Variants in TXNDC16 observed in about 807,000 individuals in gnomAD.
TXNDC16 encodes thioredoxin domain-containing protein 16.
TXNDC16 carries 74 observed loss-of-function variants against 85.6 expected under a neutral mutation model. The observed-to-expected ratio is 0.86, with a 90% CI of 0.72 to 1.05. TXNDC16 has a LOEUF of 1.05. Ranked by LOEUF, TXNDC16 falls within the 50% of genes least tolerant of loss-of-function variation. TXNDC16 has a pLI of 0.00. For missense variants in TXNDC16, 959 were observed against 947.0 expected (o/e 1.01, Z -0.17); for synonymous variants, 335 against 326.5 (o/e 1.03, Z -0.28).
In TXNDC16 at chr14:52,482,215, A is replaced by G; in HGVS notation, c.1312+15T>C. The G allele has an allele frequency of 3.7e-6, 6 of 1,604,966 alleles. No individual in the cohort carries two copies. Among genetic ancestry groups the G allele is most frequent in the Non-Finnish European group, 5.1e-6 (6 of 1,175,136 alleles). On this transcript the variant is annotated intron_variant, in intron 14 of 20. Coordinates refer to ENST00000281741, the MANE Select transcript of TXNDC16 (RefSeq NM_020784.3). ...TAGAATCAGAATAATAAGCATGCAT[A>G]GCACAGTACACTACCTTTCAGTTTA...
chr14:52,457,027 T>C (rs1363628529), intron 17 of TXNDC16, 63 bp downstream of exon 17: 4 of 1,151,884 alleles, frequency 3.5e-6, no homozygotes, highest in Non-Finnish European at 5.0e-6. Flanking sequence ...TATAAGCAAT[T>C]ATTAGATAAC....
At chr14:52,452,952 C>A (rs986061437) in intron 18 of TXNDC16, among the ~76,000 whole-genome samples, 2 of 151,930 alleles carry the variant, frequency 1.3e-5, no homozygotes, top group African/African-American at 2.4e-5. Flanking sequence ...GGATTAATAA[C>A]CAGAATATAT....
intron 16 of TXNDC16, among the ~76,000 whole-genome samples, chr14:52,460,551 T>G (rs1380308814): frequency 2.6e-5 from 4 of 152,200 alleles, no homozygotes; most frequent in African/African-American, 9.6e-5. Flanking sequence ...GGGCCCTCTG[T>G]AACATTTGAA....
In TXNDC16 at chr14:52,545,248, G is replaced by A. The variant is rs1374189280; in HGVS notation, c.-181-877C>T. Among the ~76,000 whole-genome samples, 4 of 151,888 alleles carry A rather than the reference G, an allele frequency of 2.6e-5. No individual in the cohort carries two copies. In the East Asian group the frequency reaches 5.8e-4, roughly 22 times the overall value. On this transcript the variant is annotated intron_variant, in intron 1 of 20. Coordinates refer to ENST00000281741, the MANE Select transcript of TXNDC16 (RefSeq NM_020784.3). ...ACTCTTTTCACCTAGAATGTATTTTGTAGCACCAAAGGTCTAACCATACAG... is the reference window on the plus strand; with the variant it reads ...ACTCTTTTCACCTAGAATGTATTTTATAGCACCAAAGGTCTAACCATACAG...
chr14:52,475,795 C>G (rs1337573772), intron 14 of TXNDC16, among the ~76,000 whole-genome samples: 9 of 152,106 alleles, frequency 5.9e-5, no homozygotes, highest in Admixed American at 5.9e-4. Flanking sequence ...CTGCCTACTG[C>G]CTGTTCCTCC....
In TXNDC16 at chr14:52,436,533, T is replaced by C. The variant is rs1269187564; in HGVS notation, c.2194+2671A>G. On this transcript the variant is annotated intron_variant, in intron 20 of 20. Coordinates refer to ENST00000281741, the MANE Select transcript of TXNDC16 (RefSeq NM_020784.3). ...ATGATCTTGAGAATGCCTGAAAAAGTACTGAATTGTACACTCTAAAAGGGT... is the reference window on the plus strand; with the variant it reads ...ATGATCTTGAGAATGCCTGAAAAAGCACTGAATTGTACACTCTAAAAGGGT... 2.0e-5 allele frequency among the ~76,000 whole-genome samples: 3 copies of C among 152,130 alleles called. No individual in the cohort carries two copies. The East Asian group carries it at 5.8e-4, about 29-fold the overall frequency.
At chr14:52,545,946 CTT>C (rs951671941) in intron 1 of TXNDC16, among the ~76,000 whole-genome samples, 2 of 149,016 alleles carry the variant, frequency 1.3e-5, no homozygotes, top group Non-Finnish European at 3.0e-5. Flanking sequence ...TACTTGGTGA[CTT>C]TTTTTTTTCT....
Position 52,440,596 on chromosome 14 carries a change from G to T in TXNDC16, c.1971C>A (p.Tyr657Ter). ...KAILTLVKQK[Y>*]LDSFTPCWLN... ...ACCAGCATGGAGTAAATGAATCCAAGTATTTCTGCTTTACCAGTGTCAATA... is the reference window on the plus strand; with the variant it reads ...ACCAGCATGGAGTAAATGAATCCAATTATTTCTGCTTTACCAGTGTCAATA... Residue 657 changes from tyrosine to a stop codon, truncating the protein, a stop_gained, in exon 19 of 21, where the codon TAC (tyrosine) becomes TAA (stop). Transcript: ENST00000281741. LOFTEE classifies it high-confidence loss of function. 1 of 1,606,570 alleles carries T rather than the reference G, an allele frequency of 6.2e-7. No individual in the cohort carries two copies. The highest frequency in any genetic ancestry group is 8.5e-7 in the Non-Finnish European group (1 of 1,177,672).
At chr14:52,533,812 G>A (rs893253726) in intron 6 of TXNDC16, among the ~76,000 whole-genome samples, 17 of 152,146 alleles carry the variant, frequency 1.1e-4, no homozygotes, top group African/African-American at 3.9e-4. Context: ...AACAAAAGGG[G>A]TGTGGGGTAA....
rs185416170 is a variant in TXNDC16 at position 52,532,007 on chromosome 14, G to A, written c.392+4712C>T. Among the ~76,000 whole-genome samples, 451 of 151,948 alleles carry A rather than the reference G, an allele frequency of 3.0e-3. 1 individual carries two copies. Among genetic ancestry groups the A allele is most frequent in the African/African-American group, 1.0e-2 (414 of 41,474 alleles). On this transcript the variant is annotated intron_variant, in intron 6 of 20. Transcript: ENST00000281741. ...CTAAGACTTTGTTTCTTAAAAATCC[G>A]AAAAATGGGTGAATTCATTTATAAC...
At chr14:52,473,975 T>A (rs2035964645) in intron 14 of TXNDC16, among the ~76,000 whole-genome samples, 1 of 152,212 alleles carries the variant, frequency 6.6e-6, no homozygotes, top group Admixed American at 6.5e-5. Flanking sequence ...ATGCAATGCA[T>A]TTCTACATTA....
chr14:52,509,705 G>A lies in TXNDC16; in HGVS notation c.756+1535C>T, dbSNP rs186800067. On this transcript the variant is annotated intron_variant, in intron 9 of 20. Coordinates refer to ENST00000281741, the MANE Select transcript of TXNDC16 (RefSeq NM_020784.3). ...AAAAAGAACTAAGGAATGGCTGGGC[G>A]TGGTGGCTCACGCATGTAATCCCAG... is the stretch of plus-strand genomic sequence containing the variant. Among the ~76,000 whole-genome samples the A allele has an allele frequency of 5.2e-4, 79 of 152,028 alleles. 1 individual carries two copies. Among genetic ancestry groups the A allele is most frequent in the Middle Eastern group, 6.8e-3 (2 of 294 alleles).
chr14:52,534,105 G>A (rs1396397304), intron 6 of TXNDC16, among the ~76,000 whole-genome samples: 1 of 152,162 alleles, frequency 6.6e-6, no homozygotes, highest in Non-Finnish European at 1.5e-5. Context: ...AGGCCTGAAA[G>A]ATCACATAAG....
intron 6 of TXNDC16, among the ~76,000 whole-genome samples, chr14:52,533,762 C>A (rs1244505746): frequency 6.6e-6 from 1 of 152,178 alleles, no homozygotes; most frequent in African/African-American, 2.4e-5. Context: ...GAGTCCCAAA[C>A]AACAGGCCCC....
chr14:52,496,258 A>G (rs2036530195), intron 9 of TXNDC16, among the ~76,000 whole-genome samples: 1 of 152,058 alleles, frequency 6.6e-6, no homozygotes, highest in Admixed American at 6.5e-5. Context: ...TCCTAGTTGA[A>G]GCGGGGAAAA....
At chr14:52,454,965 C>T (rs1271955981) in intron 18 of TXNDC16, among the ~76,000 whole-genome samples, 2 of 152,184 alleles carry the variant, frequency 1.3e-5, no homozygotes, top group Admixed American at 6.5e-5. Flanking sequence ...TTTATGCATG[C>T]AGAAACCGAA....
Position 52,507,194 on chromosome 14 carries a change from C to G in TXNDC16, c.756+4046G>C, listed in dbSNP as rs534971979. Among the ~76,000 whole-genome samples, 261 of 152,210 alleles carry G rather than the reference C, an allele frequency of 1.7e-3. 1 individual carries two copies. Among genetic ancestry groups the G allele is most frequent in the African/African-American group, 5.9e-3 (245 of 41,510 alleles). The stretch of plus-strand genomic sequence containing the variant: ...TGTCTCAGCCCAAAATCTCCTTAAG[C>G]TGATAGGCAACTTCAGCAAAGTCTC... On this transcript the variant is annotated intron_variant, in intron 9 of 20. Transcript: ENST00000281741.
chr14:52,530,137 T>C (rs1322726208), intron 6 of TXNDC16, among the ~76,000 whole-genome samples: 1 of 76,802 alleles, frequency 1.3e-5, no homozygotes, highest in African/African-American at 6.1e-5. Context: ...TATTACAATT[T>C]ACATATATTT....
At chr14:52,494,144 T>TAG (rs753386599) in intron 9 of TXNDC16, among the ~76,000 whole-genome samples, 1 of 150,494 alleles carries the variant, frequency 6.6e-6, no homozygotes, top group East Asian at 1.9e-4. Context: ...TTAGGAAAGA[T>TAG]ATATATATAT....
Sources: gnomAD v4.1 joint callset for allele counts (sites outside exome capture counted in the v4.1 genomes callset) on GRCh38, gnomAD v4.1.1 for gene constraint, MANE v1.5 for transcripts, NCBI Gene and HGNC (gene_info 2026-07-23, HGNC 2026-07-21) for gene names.